Variants in RALGAPA2 observed in about 807,000 individuals in gnomAD.
RALGAPA2 encodes Ral GTPase activating protein catalytic subunit alpha 2, also known as ral GTPase-activating protein subunit alpha-2.
Under a neutral mutation model 230.4 loss-of-function variants are expected in RALGAPA2, and 139 were observed. The observed-to-expected ratio is 0.60, with a 90% CI of 0.53 to 0.69. The LOEUF (loss-of-function observed/expected upper bound fraction) is 0.69, where lower values mean the gene tolerates loss of function less well. Among genes scored for constraint, RALGAPA2 ranks in the 30% least tolerant of loss-of-function variants. The pLI is 0.00. For missense variants in RALGAPA2, 2,163 were observed against 2,276.0 expected (o/e 0.95, Z 1.01); for synonymous variants, 847 against 837.8 (o/e 1.01, Z -0.19).
intron 23 of RALGAPA2, among the ~76,000 whole-genome samples, chr20:20,561,288 A>G (rs1338662040): frequency 1.3e-5 from 2 of 152,216 alleles, no homozygotes; most frequent in East Asian, 3.8e-4. Context: ...TGAAAAAGGC[A>G]ATTATCTGTC....
At chr20:20,435,904 T>C (rs1225916884) in intron 37 of RALGAPA2, among the ~76,000 whole-genome samples, 4 of 152,210 alleles carry the variant, frequency 2.6e-5, no homozygotes, top group Admixed American at 6.5e-5. Context: ...GCAGGATTAG[T>C]AAAAATTCTT....
intron 1 of RALGAPA2, among the ~76,000 whole-genome samples, chr20:20,683,067 G>A (rs575156999): frequency 6.6e-6 from 1 of 152,222 alleles, no homozygotes; most frequent in Non-Finnish European, 1.5e-5. Flanking sequence ...TTCCGTCCCA[G>A]TAAGTTGGAA....
At chr20:20,625,276 T>C (rs929164883) in intron 10 of RALGAPA2, among the ~76,000 whole-genome samples, 2 of 152,202 alleles carry the variant, frequency 1.3e-5, no homozygotes, top group Non-Finnish European at 1.5e-5. Flanking sequence ...TGGTGTCTCA[T>C]CTATGTAGCT....
intron 37 of RALGAPA2, among the ~76,000 whole-genome samples, chr20:20,450,890 T>A (rs750531498): frequency 6.6e-6 from 1 of 152,248 alleles, no homozygotes; most frequent in Non-Finnish European, 1.5e-5. Context: ...GGCTCAGCAG[T>A]GTCTCCACTT....
Position 20,629,350 on chromosome 20 carries a change from CA to C in RALGAPA2, c.1233+12del. On this transcript the variant is annotated intron_variant, in intron 10 of 39. Coordinates refer to ENST00000202677, the MANE Select transcript of RALGAPA2 (RefSeq NM_020343.4). ...ACACACACACACACACACACACACACACACACACTAACCTGGTGAAATACTT... is the reference window on the plus strand; with the variant it reads ...ACACACACACACACACACACACACACCACACACTAACCTGGTGAAATACTT... The C allele has an allele frequency of 6.9e-7, 1 of 1,458,188 alleles. No homozygotes were observed. Among genetic ancestry groups the C allele is most frequent in the African/African-American group, 1.4e-5 (1 of 72,130 alleles). The allele number at this position is 1,458,188 out of a possible 1,614,324, so 90.3% of individuals were successfully genotyped here.
In RALGAPA2 at chr20:20,619,279, GCA is replaced by G. The variant is rs757382499; in HGVS notation, c.1535_1536del (p.Leu512SerfsTer18). ...TCATGTCCTGGCCAGCCACATACCT[GCA>G]ACAAAGCCTGGACGCCGGCTTTCAC... ...TNVKAGVQAL[L>X]QVFLTNSANI... On this transcript the variant is annotated frameshift_variant, in exon 12 of 40. Coordinates refer to ENST00000202677, the MANE Select transcript of RALGAPA2 (RefSeq NM_020343.4). LOFTEE classifies it high-confidence loss of function. 1 of 1,596,984 alleles carries G rather than the reference GCA, an allele frequency of 6.3e-7. No homozygotes were observed. Among genetic ancestry groups the G allele is most frequent in the East Asian group, 2.2e-5 (1 of 44,478 alleles).
chr20:20,403,849 G>T (rs1169725640), intron 38 of RALGAPA2, among the ~76,000 whole-genome samples: 2 of 152,158 alleles, frequency 1.3e-5, no homozygotes, highest in African/African-American at 2.4e-5. Context: ...CTGAGATTAG[G>T]GGTATGGGGG....
At chr20:20,697,091 T>C (rs968134889) in intron 1 of RALGAPA2, among the ~76,000 whole-genome samples, 15 of 152,158 alleles carry the variant, frequency 9.9e-5, no homozygotes, top group African/African-American at 3.6e-4. Flanking sequence ...GTGCTAGGGC[T>C]TCATCTGCAA....
intron 37 of RALGAPA2, among the ~76,000 whole-genome samples, chr20:20,458,455 T>G (rs557341826): frequency 7.3e-6 from 1 of 136,872 alleles, no homozygotes; most frequent in South Asian, 2.2e-4. Flanking sequence ...ATATAATACA[T>G]ATGTATTTTA....
intron 20 of RALGAPA2, among the ~76,000 whole-genome samples, chr20:20,582,666 T>G (rs1020629147): frequency 9.3e-4 from 141 of 152,278 alleles, no homozygotes; most frequent in African/African-American, 3.2e-3. Flanking sequence ...AGTTCTTAAG[T>G]TGGGTAGTAG....
chr20:20,527,659 T>C (rs1033961225), intron 27 of RALGAPA2, among the ~76,000 whole-genome samples: 2 of 151,604 alleles, frequency 1.3e-5, no homozygotes, highest in Non-Finnish European at 2.9e-5. Context: ...CTTCATCCTA[T>C]TCCCCTATTA....
intron 23 of RALGAPA2, among the ~76,000 whole-genome samples, chr20:20,562,305 G>A (rs988377662): frequency 6.6e-6 from 1 of 152,056 alleles, no homozygotes; most frequent in Non-Finnish European, 1.5e-5. Context: ...TCTGGGCTCT[G>A]TGACAGGCCA....
intron 18 of RALGAPA2, among the ~76,000 whole-genome samples, chr20:20,588,910 C>T (rs574002911): frequency 3.3e-4 from 50 of 151,832 alleles, no homozygotes; most frequent in African/African-American, 9.9e-4. Flanking sequence ...TTTGTGAATA[C>T]TCACTGATTC....
chr20:20,544,764 A>G (rs1311949740), intron 24 of RALGAPA2, among the ~76,000 whole-genome samples: 1 of 152,084 alleles, frequency 6.6e-6, no homozygotes, highest in Non-Finnish European at 1.5e-5. Context: ...GCAGACTAAC[A>G]CAGAAACAGA....
At chr20:20,643,580 G>A in intron 4 of RALGAPA2, 31 bp from the exon 5 acceptor site, 1 of 1,420,466 alleles carries the variant, frequency 7.0e-7, no homozygotes, top group Non-Finnish European at 9.5e-7. Context: ...ATTATAAATA[G>A]AGTATATAAA....
At chr20:20,694,012 G>C (rs1370864030) in intron 1 of RALGAPA2, among the ~76,000 whole-genome samples, 4 of 152,138 alleles carry the variant, frequency 2.6e-5, no homozygotes, top group African/African-American at 7.2e-5. Context: ...GCTGAGATGA[G>C]AGGATGGCTT....
chr20:20,445,002 CTTATT>C (rs1281214666), intron 37 of RALGAPA2, among the ~76,000 whole-genome samples: 2 of 152,214 alleles, frequency 1.3e-5, no homozygotes, highest in East Asian at 3.8e-4. Context: ...TCGAGTAACT[CTTATT>C]TTACTCAATA....
intron 23 of RALGAPA2, among the ~76,000 whole-genome samples, chr20:20,547,159 A>C: frequency 6.6e-6 from 1 of 152,150 alleles, no homozygotes; most frequent in East Asian, 1.9e-4. Flanking sequence ...TGTAATTAAA[A>C]CCTTCAAATA....
At position 20,706,615 on chromosome 20, in the gene RALGAPA2, C is replaced by T. The variant is rs1040980113; in HGVS notation, c.106+5760G>A. Reference sequence around the variant, plus strand: ...CAAATCAAATATGATAATCCCAAGTCTCCCTAGAAAAATGCAGAAAAATGG... The same window carrying T: ...CAAATCAAATATGATAATCCCAAGTTTCCCTAGAAAAATGCAGAAAAATGG... On this transcript the variant is annotated intron_variant, in intron 1 of 39. Coordinates refer to ENST00000202677, the MANE Select transcript of RALGAPA2 (RefSeq NM_020343.4). Among the ~76,000 whole-genome samples the T allele has an allele frequency of 2.0e-5, 3 of 152,170 alleles. 1 individual carries two copies. The highest frequency in any genetic ancestry group is 4.4e-5 in the Non-Finnish European group (3 of 68,026).
Sources: allele counts gnomAD v4.1 joint callset (sites outside exome capture counted in the v4.1 genomes callset), GRCh38; gene constraint gnomAD v4.1.1; transcripts MANE v1.5; gene names NCBI Gene and HGNC (gene_info 2026-07-23, HGNC 2026-07-21).